ARNT: variants seen among roughly 807,000 people sequenced by gnomAD.
The protein encoded by ARNT is aryl hydrocarbon receptor nuclear translocator.
A neutral mutation model predicts 105.0 loss-of-function variants in ARNT; 30 were observed. That is an observed-to-expected ratio of 0.29 (90% CI 0.21 to 0.39). The LOEUF is 0.39. ARNT is among the 10% of genes least tolerant of loss of function. ARNT has a pLI of 1.00. For synonymous variants in ARNT, 304 were observed against 344.0 expected, an observed-to-expected ratio of 0.88 and a Z score of 1.29; for missense variants, 748 against 978.7, an observed-to-expected ratio of 0.76 and a Z score of 3.15.
rs10847 is a variant in ARNT at position 150,810,321 on chromosome 1, C to T, written c.*1700G>A. 47,730 of 230,648 alleles carry T rather than the reference C, an allele frequency of 0.21. 5,750 individuals carry two copies. The highest frequency in any genetic ancestry group is 0.26 in the Non-Finnish European group (30,428 of 116,146). 14.3% of individuals were successfully genotyped at this position (230,648 alleles called of 1,614,324 possible). A position where few individuals can be genotyped will look rare whatever the true frequency, so the allele number is the denominator to read the frequency against. ...ATAATAACTGTACAATATTATAGTC[C>T]TGATCACATTTAAAAAGTCGATTAT... On this transcript the variant is annotated 3_prime_UTR_variant, in exon 22 of 22. Transcript: ENST00000358595.
At chr1:150,816,555 G>T in intron 18 of ARNT, 149 bp from the exon 19 acceptor site, 1 of 1,083,568 alleles carries the variant, frequency 9.2e-7, no homozygotes, top group Non-Finnish European at 1.3e-6. Flanking sequence ...AGACAAGAAA[G>T]ACTGACAGTC....
chr1:150,861,547 C>T (rs1282729245), intron 1 of ARNT, among the ~76,000 whole-genome samples: 1 of 152,164 alleles, frequency 6.6e-6, no homozygotes, highest in East Asian at 1.9e-4. Flanking sequence ...TGGTGGCTTA[C>T]ACCTGTAAGG....
At position 150,811,465 on chromosome 1, in the gene ARNT, CACACACACACACAT is replaced by C. The variant is rs1321344117; in HGVS notation, c.*542_*555del. The C allele has an allele frequency of 2.2e-5, 5 of 231,714 alleles. No individual in the cohort carries two copies. Among genetic ancestry groups the C allele is most frequent in the Middle Eastern group, 1.2e-3 (1 of 806 alleles). The allele number at this position is 231,714 out of a possible 1,614,324, so 14.4% of individuals were successfully genotyped here. A position where few individuals can be genotyped will look rare whatever the true frequency, so the allele number is the denominator to read the frequency against. ...ATACAGAAGCATGTGTGCGCACACACACACACACACACATACACACACACTCTCTCTCACTTACT... is the reference window on the plus strand; with the variant it reads ...ATACAGAAGCATGTGTGCGCACACACACACACACACTCTCTCTCACTTACT... On this transcript the variant is annotated 3_prime_UTR_variant, in exon 22 of 22. Coordinates refer to ENST00000358595, the MANE Select transcript of ARNT (RefSeq NM_001668.4).
At chr1:150,829,464 A>C in intron 11 of ARNT, 1 of 599,232 alleles carries the variant, frequency 1.7e-6, no homozygotes. Context: ...AATAAAGTTT[A>C]TTCAATCTAA....
At chr1:150,848,455 CA>C (rs60782711) in intron 3 of ARNT, among the ~76,000 whole-genome samples, 62,666 of 142,478 alleles carry the variant, frequency 0.44, 13,288 homozygotes, top group South Asian at 0.56. Flanking sequence ...AGACTCCTCT[CA>C]AAAAAAAAAA....
intron 3 of ARNT, among the ~76,000 whole-genome samples, chr1:150,846,948 CTTTCTT>C (rs1212589807): frequency 6.6e-6 from 1 of 152,156 alleles, no homozygotes; most frequent in Non-Finnish European, 1.5e-5. Context: ...ATGACAGGTT[CTTTCTT>C]TTTAAGGCTG....
chr1:150,847,247 A>G (rs1045354507), intron 3 of ARNT, among the ~76,000 whole-genome samples: 3 of 152,144 alleles, frequency 2.0e-5, no homozygotes, highest in African/African-American at 7.2e-5. Flanking sequence ...TCTGGCCAAC[A>G]TGGTGAAACC....
chr1:150,823,152 C>A, intron 14 of ARNT, 42 bp downstream of exon 14: 1 of 1,469,188 alleles, frequency 6.8e-7, no homozygotes, highest in South Asian at 1.5e-5. Flanking sequence ...GTTGTGAGAA[C>A]AGAGGAAAAA....
Position 150,811,959 on chromosome 1 carries a change from T to C in ARNT, c.*62A>G. 1.6e-6 allele frequency: 2 copies of C among 1,278,828 alleles called. No individual in the cohort carries two copies. Among genetic ancestry groups the C allele is most frequent in the South Asian group, 1.8e-5 (1 of 54,796 alleles). 79.2% of individuals were successfully genotyped at this position (1,278,828 alleles called of 1,614,324 possible). ...ACTTTTATTCTGTTTACAGAAAGATTTGCTTTTTAAAAACAAACAGTGATT... is the reference window on the plus strand; with the variant it reads ...ACTTTTATTCTGTTTACAGAAAGATCTGCTTTTTAAAAACAAACAGTGATT... On this transcript the variant is annotated 3_prime_UTR_variant, in exon 22 of 22. Coordinates refer to ENST00000358595, the MANE Select transcript of ARNT (RefSeq NM_001668.4).
chr1:150,818,057 A>G, intron 14 of ARNT, 27 bp from the exon 15 acceptor site: 2 of 1,447,090 alleles, frequency 1.4e-6, no homozygotes, highest in Admixed American at 1.8e-5. Context: ...GACAGTAAAG[A>G]GGGGGTGGAG....
chr1:150,823,190 A>C lies in ARNT; in HGVS notation c.1394+4T>G, dbSNP rs202099674. On this transcript the variant is annotated splice_donor_region_variant and intron_variant, in intron 14 of 21. Transcript: ENST00000358595. ...GTTTTTTCACACTCCTGTATAATAC[A>C]TACTTCACATTGGTGTTGGTACAGA... 3.7e-6 allele frequency: 6 copies of C among 1,602,768 alleles called. No individual in the cohort carries two copies. Among genetic ancestry groups the C allele is most frequent in the Non-Finnish European group, 5.1e-6 (6 of 1,172,404 alleles).
At position 150,829,922 on chromosome 1, in the gene ARNT, C is replaced by T. The variant is rs925690524; in HGVS notation, c.1014G>A (p.Val338=). 4 of 1,614,160 alleles carry T rather than the reference C, an allele frequency of 2.5e-6. No homozygotes were observed. The Admixed American group carries it at 5.0e-5, about 20-fold the overall frequency. ...TACTTGCCTGCAATCTGCCAATGGC[C>T]ACTAGGCAAAACTTGCTTCCCTGGC... ...EAGQGSKFCL[V]AIGRLQVTSS... The change falls in exon 11 of 22, where the codon GTG becomes GTA. Residue 338 remains valine (V), a synonymous_variant. Coordinates refer to ENST00000358595, the MANE Select transcript of ARNT (RefSeq NM_001668.4).
In ARNT at chr1:150,824,557, G is replaced by C. The variant is rs1657799656; in HGVS notation, c.1243-1212C>G. Among the ~76,000 whole-genome samples, 8 of 150,802 alleles carry C rather than the reference G, an allele frequency of 5.3e-5. No individual in the cohort carries two copies. The South Asian group carries it at 1.5e-3, about 28-fold the overall frequency. On this transcript the variant is annotated intron_variant, in intron 13 of 21. Transcript: ENST00000358595. ...GCAACCTCGCCTCCAGGGTTCAAGT[G>C]ATTCTCCTGCCTCAGCCTCCTGAGT...
At chr1:150,817,556 C>A (rs1557854525) in intron 15 of ARNT, 123 bp from the exon 16 acceptor site, 1 of 921,002 alleles carries the variant, frequency 1.1e-6, no homozygotes, top group Non-Finnish European at 1.6e-6. Flanking sequence ...GCCTGTAATC[C>A]CAACACTTTG....
At chr1:150,830,460 CATATATGCCAGT>C (rs1659166743) in intron 10 of ARNT, 1 of 152,556 alleles carries the variant, frequency 6.6e-6, no homozygotes, top group South Asian at 2.1e-4. Flanking sequence ...TAAAACTTAC[CATATATGCCAGT>C]CATTGTTTTA....
intron 3 of ARNT, 142 bp downstream of exon 3, chr1:150,852,620 T>G: frequency 2.8e-6 from 2 of 704,174 alleles, no homozygotes. Context: ...CTTAAAAATT[T>G]TCTGAGATAT....
intron 3 of ARNT, among the ~76,000 whole-genome samples, chr1:150,849,813 C>A (rs1440737459): frequency 6.6e-6 from 1 of 152,062 alleles, no homozygotes; most frequent in East Asian, 1.9e-4. Context: ...GCCTATAACC[C>A]CAGCCCTTTG....
At chr1:150,820,936 T>G (rs778530823) in intron 14 of ARNT, among the ~76,000 whole-genome samples, 1 of 152,202 alleles carries the variant, frequency 6.6e-6, no homozygotes, top group Non-Finnish European at 1.5e-5. Flanking sequence ...GACTGTAAAC[T>G]TCTGACTCTC....
intron 6 of ARNT, among the ~76,000 whole-genome samples, chr1:150,837,448 G>A (rs1364030595): frequency 4.6e-5 from 7 of 152,230 alleles, no homozygotes; most frequent in Admixed American, 3.9e-4. Flanking sequence ...ACCAATTCAA[G>A]TCCCTTTTCC....
Sources: allele counts gnomAD v4.1 joint callset (sites outside exome capture counted in the v4.1 genomes callset), GRCh38; gene constraint gnomAD v4.1.1; transcripts MANE v1.5; gene names NCBI Gene and HGNC (gene_info 2026-07-23, HGNC 2026-07-21).